Variants in JAKMIP1 observed in about 807,000 individuals in gnomAD.
JAKMIP1 encodes the protein janus kinase and microtubule-interacting protein 1.
A neutral mutation model predicts 113.0 loss-of-function variants in JAKMIP1; 33 were observed. That is an observed-to-expected ratio of 0.29 (90% CI 0.22 to 0.39). The LOEUF (loss-of-function observed/expected upper bound fraction) is 0.39, where lower values mean the gene tolerates loss of function less well. Ranked by LOEUF, JAKMIP1 falls within the 10% of genes least tolerant of loss-of-function variation. JAKMIP1 has a pLI of 1.00. For synonymous variants in JAKMIP1, 480 were observed against 459.9 expected (o/e 1.04, Z -0.56); for missense variants, 813 against 1,080.5 (o/e 0.75, Z 3.47).
Position 6,105,860 on chromosome 4 carries a change from C to T in JAKMIP1, c.237G>A (p.Glu79=), listed in dbSNP as rs1179750272. 1 of 1,612,124 alleles carries T rather than the reference C, an allele frequency of 6.2e-7. No homozygotes were observed. Among genetic ancestry groups the T allele is most frequent in the Middle Eastern group, 1.6e-4 (1 of 6,062 alleles). The change falls in exon 3 of 21, where the codon GAG becomes GAA. Residue 79 remains glutamate, a synonymous_variant. Coordinates refer to ENST00000409021, the MANE Select transcript of JAKMIP1 (RefSeq NM_001099433.2). ...ISELKAKLHE[E]KTKELQALRE... ...GCAGCGCCTGCAGCTCCTTGGTCTT[C>T]TCCTCATGCAGCTTGGCCTTGAGCT...
intron 1 of JAKMIP1, among the ~76,000 whole-genome samples, chr4:6,171,789 G>C (rs1026647958): frequency 6.6e-6 from 1 of 152,160 alleles, no homozygotes; most frequent in Non-Finnish European, 1.5e-5. Flanking sequence ...ACGGAATCGA[G>C]GCTCGTTCGT....
intron 1 of JAKMIP1, among the ~76,000 whole-genome samples, chr4:6,131,381 A>G (rs1270400425): frequency 6.6e-6 from 1 of 151,270 alleles, no homozygotes; most frequent in Non-Finnish European, 1.5e-5. Flanking sequence ...AAAAAAAAAA[A>G]CAAAACCCTA....
intron 8 of JAKMIP1, among the ~76,000 whole-genome samples, chr4:6,066,197 C>T (rs188497083): frequency 5.3e-5 from 8 of 152,066 alleles, no homozygotes; most frequent in Admixed American, 3.3e-4. Flanking sequence ...TACTAAGGGC[C>T]CCTCCCAGCC....
chr4:6,116,146 G>A lies in JAKMIP1; in HGVS notation c.-147-3149C>T, dbSNP rs148584211. ...CAAAGTTCTGGGCCAAGTCAATCTC[G>A]GAGCTCAGGGTGGGCCCCAGCAGCC... On this transcript the variant is annotated intron_variant, in intron 1 of 20. Transcript: ENST00000409021. This position sits in a 1 kb window ranked among gnomAD's most constrained non-coding sequence, Gnocchi z 5.1. 3.4e-4 allele frequency among the ~76,000 whole-genome samples: 51 copies of A among 152,180 alleles called. No homozygotes were observed. In the East Asian group the frequency reaches 6.2e-3, roughly 18 times the overall value.
chr4:6,033,865 C>T (rs1053421941), intron 19 of JAKMIP1, among the ~76,000 whole-genome samples: 1 of 152,200 alleles, frequency 6.6e-6, no homozygotes, highest in Non-Finnish European at 1.5e-5. Flanking sequence ...ATGATAGCAA[C>T]TAGCAAAGAA....
intron 3 of JAKMIP1, among the ~76,000 whole-genome samples, chr4:6,085,845 T>C (rs1457529784): frequency 6.6e-6 from 1 of 152,118 alleles, no homozygotes; most frequent in African/African-American, 2.4e-5. Flanking sequence ...GAGCTAAGGG[T>C]TGAAGCACAT....
chr4:6,109,694 T>C (rs1714597567), intron 2 of JAKMIP1, among the ~76,000 whole-genome samples: 1 of 151,984 alleles, frequency 6.6e-6, no homozygotes, highest in Non-Finnish European at 1.5e-5. Flanking sequence ...TGCAGATGAA[T>C]AGACAGACAC....
chr4:6,169,603 T>TGTGTGTG (rs201784962), intron 1 of JAKMIP1, among the ~76,000 whole-genome samples: 3,454 of 137,338 alleles, frequency 0.025, 58 homozygotes, highest in African/African-American at 0.052. Flanking sequence ...CCCTAGGAAA[T>TGTGTGTG]TGTGTGTGTG....
At chr4:6,085,334 T>A (rs1306161190) in intron 4 of JAKMIP1, 86 bp downstream of exon 4, 2 of 1,173,508 alleles carry the variant, frequency 1.7e-6, no homozygotes, top group Non-Finnish European at 2.4e-6. Flanking sequence ...ACATGCCACC[T>A]CAGAGTCCTC....
chr4:6,086,456 G>C lies in JAKMIP1; in HGVS notation c.625-827C>G, dbSNP rs538101295. On this transcript the variant is annotated intron_variant, in intron 3 of 20. Transcript: ENST00000409021. This position sits in a 1 kb window ranked among gnomAD's most constrained non-coding sequence, Gnocchi z 4.1. Reference sequence around the variant, plus strand: ...CTCGGAGGGACCACAGCCTCTCCACGTACAAACCTGAACTTAATCTTCAGT... The same window carrying C: ...CTCGGAGGGACCACAGCCTCTCCACCTACAAACCTGAACTTAATCTTCAGT... Among the ~76,000 whole-genome samples the C allele has an allele frequency of 3.3e-5, 5 of 151,714 alleles. No homozygotes were observed. In the East Asian group the frequency reaches 7.8e-4, roughly 24 times the overall value.
At chr4:6,122,121 G>A (rs1421871229) in intron 1 of JAKMIP1, among the ~76,000 whole-genome samples, 1 of 152,174 alleles carries the variant, frequency 6.6e-6, no homozygotes, top group Non-Finnish European at 1.5e-5. Flanking sequence ...GAGGCGGGCG[G>A]ATCTCTTGAT....
chr4:6,085,425 C>G lies in JAKMIP1; in HGVS notation c.829G>C (p.Val277Leu). Residue 277 changes from valine (V) to leucine (L), a missense_variant, in exon 4 of 21, where the codon GTC (valine) becomes CTC (leucine). Around this residue, in one of 2 missense-constraint regions of JAKMIP1, gnomAD observed 540 missense variants for 653.9 expected, o/e 0.83. Transcript: ENST00000409021. Reference sequence around the variant, plus strand: ...CACAAGCTGCTGCCCCTCACCTGGACGCCCATGAGCTCCACCATGTCCCCG... The same window carrying G: ...CACAAGCTGCTGCCCCTCACCTGGAGGCCCATGAGCTCCACCATGTCCCCG... ...GIGDMVELMGVQDQHMDERDV... is the reference protein window; with the variant it reads ...GIGDMVELMGLQDQHMDERDV... 1 of 1,612,548 alleles carries G rather than the reference C, an allele frequency of 6.2e-7. No individual in the cohort carries two copies. The highest frequency in any genetic ancestry group is 8.5e-7 in the Non-Finnish European group (1 of 1,179,822).
At position 6,184,825 on chromosome 4, in the gene JAKMIP1, A is replaced by C. The variant is rs1726463668; in HGVS notation, c.-148+15428T>G. Among the ~76,000 whole-genome samples the C allele has an allele frequency of 6.6e-6, 1 of 152,306 alleles. No homozygotes were observed. Among genetic ancestry groups the C allele is most frequent in the South Asian group, 2.1e-4 (1 of 4,828 alleles). On this transcript the variant is annotated intron_variant, in intron 1 of 20. Coordinates refer to ENST00000409021, the MANE Select transcript of JAKMIP1 (RefSeq NM_001099433.2). This position sits in a 1 kb window ranked among gnomAD's most constrained non-coding sequence, Gnocchi z 4.5. ...GTCTGTGAGGATCTTACCAAAGGAGATTCACATTTCAGTCAGTGGACTGGG... is the reference window on the plus strand; with the variant it reads ...GTCTGTGAGGATCTTACCAAAGGAGCTTCACATTTCAGTCAGTGGACTGGG...
chr4:6,062,896 C>T (rs989507620), intron 9 of JAKMIP1, among the ~76,000 whole-genome samples: 12 of 152,248 alleles, frequency 7.9e-5, no homozygotes, highest in Non-Finnish European at 1.5e-4. Context: ...CCTGTAATCC[C>T]AGCACTTTGG....
chr4:6,152,826 C>T (rs1363691045), intron 1 of JAKMIP1, among the ~76,000 whole-genome samples: 1 of 131,680 alleles, frequency 7.6e-6, no homozygotes, highest in Admixed American at 7.8e-5. Context: ...ATATATATAG[C>T]TGGGCATGGT....
Position 6,112,228 on chromosome 4 carries a change from A to G in JAKMIP1, c.129+494T>C, listed in dbSNP as rs559672426. ...TAAACAAATAGCCGAAGCTCAGCCA[A>G]TCACAGCAGCTGAGCATCAGTAAAT... On this transcript the variant is annotated intron_variant, in intron 2 of 20. Coordinates refer to ENST00000409021, the MANE Select transcript of JAKMIP1 (RefSeq NM_001099433.2). 1.1e-3 allele frequency among the ~76,000 whole-genome samples: 166 copies of G among 152,318 alleles called. 1 individual carries two copies. The Middle Eastern group carries it at 0.014, about 12-fold the overall frequency.
Position 6,049,700 on chromosome 4 carries a change from G to T in JAKMIP1, c.1962+119C>A. The T allele has an allele frequency of 5.2e-6, 4 of 770,572 alleles. No individual in the cohort carries two copies. In the South Asian group the frequency reaches 6.7e-5, roughly 13 times the overall value. The allele number at this position is 770,572 out of a possible 1,614,324, so 47.7% of individuals were successfully genotyped here. On this transcript the variant is annotated intron_variant, in intron 15 of 20. Coordinates refer to ENST00000409021, the MANE Select transcript of JAKMIP1 (RefSeq NM_001099433.2). This position sits in a 1 kb window ranked among gnomAD's most constrained non-coding sequence, Gnocchi z 7.0. ...CACGGCCATACAAAAGCCTTACATT[G>T]TACTTCTTAGATCTCTTACATCAGA... is the stretch of plus-strand genomic sequence containing the variant.
In JAKMIP1 at chr4:6,139,227, G is replaced by C. The variant is rs979242318; in HGVS notation, c.-147-26230C>G. Among the ~76,000 whole-genome samples the C allele has an allele frequency of 8.6e-5, 13 of 152,034 alleles. No homozygotes were observed. The highest frequency in any genetic ancestry group is 3.1e-4 in the African/African-American group (13 of 41,348). ...CCAGAAACTTTCACTATTTAAAAGG[G>C]TTCTGCCCCAGTTAAAAAGCATTTG... On this transcript the variant is annotated intron_variant, in intron 1 of 20. Coordinates refer to ENST00000409021, the MANE Select transcript of JAKMIP1 (RefSeq NM_001099433.2). The surrounding 1 kb of genome is among the most constrained non-coding windows in gnomAD (Gnocchi z 5.2).
chr4:6,125,798 TACAGAAACACACAC>T (rs1717394127), intron 1 of JAKMIP1, among the ~76,000 whole-genome samples: 1 of 81,742 alleles, frequency 1.2e-5, no homozygotes, highest in Admixed American at 1.4e-4. Flanking sequence ...ACACACACCA[TACAGAAACACACAC>T]ACACACCATA....
Sources: allele counts gnomAD v4.1 joint callset (sites outside exome capture counted in the v4.1 genomes callset), GRCh38; gene constraint gnomAD v4.1.1; regional missense constraint gnomAD v4.1.1; non-coding constraint Gnocchi (gnomAD v3.1); transcripts MANE v1.5; gene names NCBI Gene and HGNC (gene_info 2026-07-23, HGNC 2026-07-21).